The following GNAO1 variants were observed in gnomAD, a reference collection of about 807,000 sequenced individuals.
The protein encoded by GNAO1 is guanine nucleotide-binding protein G(o) subunit alpha.
For missense variants in GNAO1, 166 were observed against 478.7 expected (o/e 0.35, Z 6.10); for synonymous variants, 164 against 180.7 (o/e 0.91, Z 0.74).
chr16:56,297,375 A>G (rs2037297143), intron 3 of GNAO1, among the ~76,000 whole-genome samples: 1 of 152,040 alleles, frequency 6.6e-6, no homozygotes, highest in Non-Finnish European at 1.5e-5. Context: ...AGGGAGGCCA[A>G]CCACCTTGCC....
chr16:56,296,417 T>G (rs555299287), intron 3 of GNAO1, among the ~76,000 whole-genome samples: 3 of 152,284 alleles, frequency 2.0e-5, no homozygotes, highest in Admixed American at 6.5e-5. Flanking sequence ...AGCGCTTGTT[T>G]CCCATGTGGA....
At chr16:56,216,299 A>G (rs1596801644) in intron 2 of GNAO1, among the ~76,000 whole-genome samples, 1 of 152,230 alleles carries the variant, frequency 6.6e-6, no homozygotes, top group East Asian at 1.9e-4. Flanking sequence ...AGGAAGTCCC[A>G]GGGAATTAAG....
At chr16:56,294,940 T>G (rs1431798395) in intron 3 of GNAO1, among the ~76,000 whole-genome samples, 1 of 152,248 alleles carries the variant, frequency 6.6e-6, no homozygotes, top group East Asian at 1.9e-4. Flanking sequence ...AGGTCTTTTA[T>G]TCTTCCCTTT....
At chr16:56,211,680 A>ACTTGAAAATG (rs1162393721) in intron 2 of GNAO1, among the ~76,000 whole-genome samples, 3 of 152,314 alleles carry the variant, frequency 2.0e-5, no homozygotes, top group Admixed American at 1.3e-4. Context: ...TTCAGTCGCG[A>ACTTGAAAATG]CTTGAAAATG....
At chr16:56,219,276 C>T (rs1444392091) in intron 2 of GNAO1, among the ~76,000 whole-genome samples, 5 of 152,202 alleles carry the variant, frequency 3.3e-5, no homozygotes, top group Non-Finnish European at 7.3e-5. Context: ...TATTGCCCTG[C>T]CTTCTTGGAG....
At chr16:56,330,641 CCACTCTG>C (rs1434181877) in intron 4 of GNAO1, among the ~76,000 whole-genome samples, 1 of 152,200 alleles carries the variant, frequency 6.6e-6, no homozygotes, top group Non-Finnish European at 1.5e-5. Context: ...TTACTGCCAC[CCACTCTG>C]GAATCGAGGG....
intron 2 of GNAO1, among the ~76,000 whole-genome samples, chr16:56,239,455 ACCTTCCAAGG>A (rs2036673273): frequency 1.3e-5 from 2 of 152,094 alleles, no homozygotes; most frequent in South Asian, 4.1e-4. Context: ...GTTGGAAAAA[ACCTTCCAAGG>A]ACAGAGAGGG....
intron 2 of GNAO1, among the ~76,000 whole-genome samples, chr16:56,265,495 GATTCCATTTTAGGGAAAATA>G (rs2036942834): frequency 6.6e-6 from 1 of 152,214 alleles, no homozygotes; most frequent in African/African-American, 2.4e-5. Context: ...TGTACAGTGG[GATTCCATTTTAGGGAAAATA>G]ATACTCGTGC....
chr16:56,229,591 C>T (rs751246787), intron 2 of GNAO1, among the ~76,000 whole-genome samples: 1 of 151,542 alleles, frequency 6.6e-6, no homozygotes, highest in African/African-American at 2.4e-5. Context: ...CAACCAGGCA[C>T]TGTTCATGGA....
chr16:56,238,019 A>G (rs1411110777), intron 2 of GNAO1, among the ~76,000 whole-genome samples: 1 of 152,168 alleles, frequency 6.6e-6, no homozygotes, highest in African/African-American at 2.4e-5. Flanking sequence ...ACATTTTACA[A>G]TATTCTGAGA....
At chr16:56,290,256 T>C (rs1408712362) in intron 3 of GNAO1, among the ~76,000 whole-genome samples, 1 of 152,210 alleles carries the variant, frequency 6.6e-6, no homozygotes, top group African/African-American at 2.4e-5. Flanking sequence ...ACCCCTGGTA[T>C]GTGTGCTCAC....
intron 2 of GNAO1, among the ~76,000 whole-genome samples, chr16:56,216,148 A>C (rs181031130): frequency 6.6e-6 from 1 of 152,204 alleles, no homozygotes; most frequent in Non-Finnish European, 1.5e-5. Flanking sequence ...AGGAAACATC[A>C]TCTTGGTTTA....
chr16:56,221,662 A>G (rs1327795010), intron 2 of GNAO1, among the ~76,000 whole-genome samples: 2 of 151,736 alleles, frequency 1.3e-5, no homozygotes, highest in Non-Finnish European at 2.9e-5. Flanking sequence ...AAAAAAAAAA[A>G]AAAAAAAAAA....
At chr16:56,256,523 T>C (rs1163708668) in intron 2 of GNAO1, among the ~76,000 whole-genome samples, 1 of 152,196 alleles carries the variant, frequency 6.6e-6, no homozygotes, top group East Asian at 1.9e-4. Context: ...GTTTCCCGCA[T>C]GTACCCCCAT....
chr16:56,196,983 C>A (rs943278602), intron 2 of GNAO1, among the ~76,000 whole-genome samples: 6 of 152,208 alleles, frequency 3.9e-5, no homozygotes, highest in African/African-American at 7.2e-5. Context: ...TCCCAGCTGA[C>A]CCTGACTTTG....
intron 2 of GNAO1, among the ~76,000 whole-genome samples, chr16:56,202,603 G>A (rs1251302800): frequency 6.6e-6 from 1 of 152,208 alleles, no homozygotes; most frequent in Non-Finnish European, 1.5e-5. Flanking sequence ...AGCTTGACAT[G>A]AACGTGCATC....
rs572738995 is a variant in GNAO1 at position 56,214,974 on chromosome 16, G to A, written c.161+22358G>A. ...TAAGTCACCCTCTGCATTGGGTCTG[G>A]GCATTGGCTTGGCTTGGAGGACATA... is the stretch of plus-strand genomic sequence containing the variant. On this transcript the variant is annotated intron_variant, in intron 2 of 8. Coordinates refer to ENST00000262493, the MANE Select transcript of GNAO1 (RefSeq NM_020988.3). Among the ~76,000 whole-genome samples the A allele has an allele frequency of 1.6e-4, 25 of 152,308 alleles. No individual in the cohort carries two copies. In the East Asian group the frequency reaches 4.3e-3, roughly 26 times the overall value.
chr16:56,321,580 C>T (rs1293714782), intron 3 of GNAO1, among the ~76,000 whole-genome samples: 1 of 152,192 alleles, frequency 6.6e-6, no homozygotes, highest in Non-Finnish European at 1.5e-5. Context: ...CATGTGTCCA[C>T]CCCTAGAATC....
intron 2 of GNAO1, among the ~76,000 whole-genome samples, chr16:56,242,625 G>A (rs1285316263): frequency 1.3e-5 from 2 of 152,128 alleles, no homozygotes; most frequent in Non-Finnish European, 2.9e-5. Flanking sequence ...ACAGGGAAAA[G>A]AATAAATTTG....
Sources: allele counts gnomAD v4.1 joint callset (sites outside exome capture counted in the v4.1 genomes callset), GRCh38; gene constraint gnomAD v4.1.1; transcripts MANE v1.5; gene names NCBI Gene and HGNC (gene_info 2026-07-23, HGNC 2026-07-21).